Variants in FAIM2 observed in about 807,000 individuals in gnomAD.
FAIM2 encodes protein lifeguard 2.
A neutral mutation model predicts 47.4 loss-of-function variants in FAIM2; 27 were observed. The ratio of observed to expected loss-of-function variants is 0.57; its 90% CI spans 0.42 to 0.78. FAIM2 has a LOEUF of 0.78. FAIM2 is among the 30% of genes least tolerant of loss of function. FAIM2 has a pLI of 0.00. For synonymous variants in FAIM2, 156 were observed against 159.3 expected (o/e 0.98, Z 0.16); for missense variants, 311 against 389.4 (o/e 0.80, Z 1.69).
In FAIM2 at chr12:49,878,715, CGT is replaced by C. The variant is rs539137998; in HGVS notation, c.802-8064_802-8063del. Among the ~76,000 whole-genome samples the C allele has an allele frequency of 5.7e-4, 46 of 80,642 alleles. 10 individuals carry two copies. The East Asian group carries it at 5.9e-3, about 10-fold the overall frequency. The allele number at this position is 80,642 out of a possible 152,430, so 52.9% of individuals were successfully genotyped here. On this transcript the variant is annotated intron_variant, in intron 11 of 11. Transcript: ENST00000320634. ...GTGTATGTGCATGTGTGCATATATG[CGT>C]GTGTGTCTGTGTGCATGTGAGTGTA...
rs1946951423 is a variant in FAIM2 at position 49,897,980 on chromosome 12, G to C, written c.315+7C>G. Reference sequence around the variant, plus strand: ...CCCAGTCCCAGAGGGCTACAGAGGGGCATTACCTTTCTGACAAAGACTCGA... The same window carrying C: ...CCCAGTCCCAGAGGGCTACAGAGGGCCATTACCTTTCTGACAAAGACTCGA... On this transcript the variant is annotated splice_region_variant and intron_variant, in intron 3 of 11. Transcript: ENST00000320634. The C allele has an allele frequency of 6.2e-7, 1 of 1,607,280 alleles. No individual in the cohort carries two copies. Among genetic ancestry groups the C allele is most frequent in the South Asian group, 1.1e-5 (1 of 90,926 alleles).
intron 5 of FAIM2, among the ~76,000 whole-genome samples, chr12:49,895,642 CCT>C (rs796566351): frequency 5.3e-5 from 8 of 152,284 alleles, no homozygotes; most frequent in African/African-American, 1.9e-4. Context: ...GCAGACAGGC[CCT>C]CTGTCCTCTG....
chr12:49,897,132 C>G, intron 4 of FAIM2, 48 bp from the exon 5 acceptor site: 1 of 1,463,296 alleles, frequency 6.8e-7, no homozygotes, highest in Non-Finnish European at 9.6e-7. Context: ...TACCCTAGGT[C>G]TCCATTTCTG....
In FAIM2 at chr12:49,879,153, CAT is replaced by C. The variant is rs1946776415; in HGVS notation, c.801+8231_801+8232del. The stretch of plus-strand genomic sequence containing the variant: ...ATATCTCTGCATGTTTGTGTATGTG[CAT>C]GTGTATGTGTGTGTGCATGAGTGCA... On this transcript the variant is annotated intron_variant, in intron 11 of 11. Transcript: ENST00000320634. 1.7e-5 allele frequency among the ~76,000 whole-genome samples: 2 copies of C among 119,250 alleles called. 1 individual carries two copies. The highest frequency in any genetic ancestry group is 6.5e-5 in the African/African-American group (2 of 30,772). The allele number at this position is 119,250 out of a possible 152,430, so 78.2% of individuals were successfully genotyped here.
intron 11 of FAIM2, among the ~76,000 whole-genome samples, chr12:49,875,076 G>C (rs532079457): frequency 6.6e-6 from 1 of 152,210 alleles, no homozygotes; most frequent in Non-Finnish European, 1.5e-5. Flanking sequence ...TGAGGGACAC[G>C]ATCAAAGTGA....
intron 2 of FAIM2, chr12:49,900,314 G>T: frequency 1.1e-6 from 1 of 923,436 alleles, no homozygotes; most frequent in Non-Finnish European, 1.4e-6. Context: ...TCCTGCTGGA[G>T]GTGGGGTGAT....
rs1204238911 is a variant in FAIM2, at chr12:49,878,157, AGTGT to A, written c.802-7508_802-7505del. On this transcript the variant is annotated intron_variant, in intron 11 of 11. Coordinates refer to ENST00000320634, the MANE Select transcript of FAIM2 (RefSeq NM_012306.4). ...GAGTGTGCATGTGAGTGTGTGTATG[AGTGT>A]ATGTGTGTATGTGCATGTGTATATG... 6.2e-5 allele frequency among the ~76,000 whole-genome samples: 5 copies of A among 80,406 alleles called. 1 individual carries two copies. The highest frequency in any genetic ancestry group is 1.2e-4 in the Non-Finnish European group (5 of 42,296). The allele number at this position is 80,406 out of a possible 152,430, so 52.7% of individuals were successfully genotyped here. A position where few individuals can be genotyped will look rare whatever the true frequency, so the allele number is the denominator to read the frequency against.
rs532917915 is a variant in FAIM2 at position 49,899,289 on chromosome 12, G to T, written c.212-1199C>A. 3.5e-4 allele frequency among the ~76,000 whole-genome samples: 53 copies of T among 152,076 alleles called. 1 individual carries two copies. Among genetic ancestry groups the T allele is most frequent in the African/African-American group, 1.3e-3 (52 of 41,482 alleles). On this transcript the variant is annotated intron_variant, in intron 2 of 11. Transcript: ENST00000320634. ...CCAAGTCCTCCAGTGTGTTCATTTT[G>T]TCCCTCCACTGTCCCCACTAGGTTT...
At chr12:49,900,130 G>C (rs770702737) in intron 2 of FAIM2, 2 of 1,102,312 alleles carry the variant, frequency 1.8e-6, no homozygotes, top group South Asian at 2.6e-5. Context: ...GTAGGGAAGG[G>C]AGGAGGACAC....
chr12:49,896,965 C>G (rs1172373291), intron 5 of FAIM2, 66 bp downstream of exon 5: 2 of 1,318,264 alleles, frequency 1.5e-6, no homozygotes, highest in Non-Finnish European at 2.2e-6. Context: ...AAGAAAGACA[C>G]AGAGATTCCC....
intron 11 of FAIM2, among the ~76,000 whole-genome samples, chr12:49,880,549 TGC>T (rs1233416702): frequency 3.3e-4 from 20 of 60,586 alleles, no homozygotes; most frequent in Admixed American, 5.4e-4. Flanking sequence ...TATGTATGCA[TGC>T]GTGTGTGTGC....
At chr12:49,877,975 CATGT>C (rs1212307321) in intron 11 of FAIM2, among the ~76,000 whole-genome samples, 3 of 142,692 alleles carry the variant, frequency 2.1e-5, no homozygotes, top group African/African-American at 5.6e-5. Context: ...TGTATGTGTG[CATGT>C]ATGTGTTTAT....
rs530142345 is a variant in FAIM2 at position 49,891,753 on chromosome 12, T to C, written c.435-639A>G. Among the ~76,000 whole-genome samples the C allele has an allele frequency of 2.1e-4, 32 of 152,284 alleles. No homozygotes were observed. The East Asian group carries it at 5.4e-3, about 26-fold the overall frequency. ...GGCCCTCTTCTGTCCTGCCAGCACC[T>C]GGAACAAGCAGGAAGTGGCACCTGT... On this transcript the variant is annotated intron_variant, in intron 5 of 11. Transcript: ENST00000320634.
Position 49,903,806 on chromosome 12 carries a change from G to A in FAIM2, c.-14C>T, listed in dbSNP as rs772495494. On this transcript the variant is annotated 5_prime_UTR_variant, in exon 1 of 12. Transcript: ENST00000320634. ...TCCCTGGGTCATGGTGCCGTCTCTC[G>A]GGGAAGGGGTCCCTGAGGCCCGGGT... 1.6e-5 allele frequency: 25 copies of A among 1,540,808 alleles called. No individual in the cohort carries two copies. The highest frequency in any genetic ancestry group is 2.1e-5 in the Non-Finnish European group (24 of 1,142,274).
rs1946693255 is a variant in FAIM2, at chr12:49,870,375, G to A, written c.*129C>T. The A allele has an allele frequency of 1.2e-6, 1 of 859,178 alleles. No individual in the cohort carries two copies. The highest frequency in any genetic ancestry group is 1.9e-6 in the Non-Finnish European group (1 of 538,668). The allele number at this position is 859,178 out of a possible 1,614,324, so 53.2% of individuals were successfully genotyped here. On this transcript the variant is annotated 3_prime_UTR_variant, in exon 12 of 12. Transcript: ENST00000320634. ...CGGCAGAGGGCTGGGCTGGGCTGGGGTAGACAGTGACCTGGCCACAGGCTG... is the reference window on the plus strand; with the variant it reads ...CGGCAGAGGGCTGGGCTGGGCTGGGATAGACAGTGACCTGGCCACAGGCTG...
chr12:49,884,625 G>A (rs1946847976), intron 11 of FAIM2, among the ~76,000 whole-genome samples: 1 of 152,196 alleles, frequency 6.6e-6, no homozygotes, highest in Non-Finnish European at 1.5e-5. Flanking sequence ...AATGGCACCA[G>A]GCTGGGCACA....
At chr12:49,893,149 C>T (rs1046895616) in intron 5 of FAIM2, among the ~76,000 whole-genome samples, 3 of 152,208 alleles carry the variant, frequency 2.0e-5, no homozygotes, top group South Asian at 4.1e-4. Context: ...CAGATCCAAT[C>T]ATTTGACTTC....
At chr12:49,900,320 G>A (rs1946973753) in intron 2 of FAIM2, 5 of 845,326 alleles carry the variant, frequency 5.9e-6, no homozygotes, top group East Asian at 1.4e-4. Context: ...TGGAGGTGGG[G>A]TGATAAAGTG....
intron 6 of FAIM2, 92 bp downstream of exon 6, chr12:49,890,972 G>T: frequency 7.7e-7 from 1 of 1,304,890 alleles, no homozygotes; most frequent in Non-Finnish European, 1.1e-6. Flanking sequence ...TCTCAGGGCT[G>T]CACAGCTCAC....
Sources: allele counts gnomAD v4.1 joint callset (sites outside exome capture counted in the v4.1 genomes callset), GRCh38; gene constraint gnomAD v4.1.1; transcripts MANE v1.5; gene names NCBI Gene and HGNC (gene_info 2026-07-23, HGNC 2026-07-21).